The following MARCHF10 variants were observed in gnomAD, a reference collection of about 807,000 sequenced individuals.
MARCHF10 encodes the protein membrane associated ring-CH-type finger 10, also known as probable E3 ubiquitin-protein ligase MARCHF10.
In MARCHF10, 64 loss-of-function variants were observed where a neutral mutation model predicts 76.2. The observed-to-expected ratio is 0.84, with a 90% CI of 0.69 to 1.03. The LOEUF is 1.03. MARCHF10 is among the 50% of genes least tolerant of loss of function. The pLI is 0.00. For missense variants in MARCHF10, 875 were observed against 958.0 expected (o/e 0.91, Z 1.14); for synonymous variants, 340 against 357.5 (o/e 0.95, Z 0.55).
intron 4 of MARCHF10, among the ~76,000 whole-genome samples, chr17:62,748,225 G>A (rs557580740): frequency 3.3e-5 from 5 of 152,098 alleles, no homozygotes; most frequent in East Asian, 1.9e-4. Context: ...GTGAAACCCC[G>A]TCTCTACTAA....
chr17:62,709,902 T>C (rs1425964053), intron 9 of MARCHF10, among the ~76,000 whole-genome samples: 3 of 152,208 alleles, frequency 2.0e-5, no homozygotes, highest in Non-Finnish European at 4.4e-5. Context: ...TACCTGTTAC[T>C]GCTCGGTGGT....
At chr17:62,758,995 C>T (rs2092121994) in intron 4 of MARCHF10, among the ~76,000 whole-genome samples, 1 of 152,194 alleles carries the variant, frequency 6.6e-6, no homozygotes, top group Non-Finnish European at 1.5e-5. Context: ...TATTAAATCA[C>T]TCCTGCCCCA....
At chr17:62,759,319 G>A (rs145844770) in intron 4 of MARCHF10, among the ~76,000 whole-genome samples, 92 of 152,288 alleles carry the variant, frequency 6.0e-4, no homozygotes, top group Middle Eastern at 3.4e-3. Context: ...AAATGCGGGC[G>A]GTGGAGAAAG....
chr17:62,779,035 C>T (rs776966435), intron 3 of MARCHF10, among the ~76,000 whole-genome samples: 3 of 152,274 alleles, frequency 2.0e-5, no homozygotes, highest in Non-Finnish European at 2.9e-5. Context: ...CTTGTCAAAC[C>T]GTGGGCTGCA....
At chr17:62,801,459 G>A (rs565392268) in intron 2 of MARCHF10, among the ~76,000 whole-genome samples, 187 bp downstream of exon 2, 2,421 of 137,114 alleles carry the variant, frequency 0.018, 74 homozygotes, top group African/African-American at 0.062. Flanking sequence ...AGCTATCCCC[G>A]TTTTTTTTTT....
At chr17:62,735,619 C>T in intron 6 of MARCHF10, 1 of 295,890 alleles carries the variant, frequency 3.4e-6, no homozygotes. Context: ...TTCTTCATTG[C>T]TGGAGAGAAG....
intron 4 of MARCHF10, among the ~76,000 whole-genome samples, chr17:62,747,300 TATTTA>T (rs1040954491): frequency 3.1e-4 from 47 of 152,348 alleles, no homozygotes; most frequent in Admixed American, 2.4e-3. Flanking sequence ...GATAAAAGGT[TATTTA>T]ATTTGTTTTC....
intron 7 of MARCHF10, among the ~76,000 whole-genome samples, 194 bp downstream of exon 7, chr17:62,724,744 C>CA (rs1166109016): frequency 6.6e-6 from 1 of 152,140 alleles, no homozygotes; most frequent in Non-Finnish European, 1.5e-5. Flanking sequence ...CAAAAACAAA[C>CA]AAAAAACCCC....
intron 2 of MARCHF10, among the ~76,000 whole-genome samples, chr17:62,793,196 T>TCAC (rs369090555): frequency 6.0e-5 from 3 of 50,156 alleles, no homozygotes; most frequent in African/African-American, 1.9e-4. Flanking sequence ...ACCACCTCCA[T>TCAC]CACCACCACC....
intron 4 of MARCHF10, chr17:62,750,254 G>A (rs1174761133): frequency 6.5e-6 from 1 of 153,534 alleles, no homozygotes; most frequent in African/African-American, 2.4e-5. Flanking sequence ...GCACAGCACA[G>A]GGGTCTCAGC....
At position 62,739,493 on chromosome 17, in the gene MARCHF10, TG is replaced by T. The variant is rs1234785413; in HGVS notation, c.536-2162del. 2.0e-5 allele frequency among the ~76,000 whole-genome samples: 3 copies of T among 151,800 alleles called. No homozygotes were observed. The South Asian group carries it at 6.3e-4, about 32-fold the overall frequency. On this transcript the variant is annotated intron_variant, in intron 5 of 10. Coordinates refer to ENST00000311269, the MANE Select transcript of MARCHF10 (RefSeq NM_152598.4). The stretch of plus-strand genomic sequence containing the variant: ...ACCTCCTGGGTTCAAGCAATTCTCC[TG>T]CCTCACCCTCCTGAGTAGCTGGGAT...
At chr17:62,794,871 T>C (rs2092957755) in intron 2 of MARCHF10, 1 of 323,578 alleles carries the variant, frequency 3.1e-6, no homozygotes, top group Non-Finnish European at 4.4e-6. Context: ...CCCCAGAGTC[T>C]GGCATTTTAA....
At chr17:62,720,749 C>A (rs1488767651) in intron 8 of MARCHF10, among the ~76,000 whole-genome samples, 1 of 152,086 alleles carries the variant, frequency 6.6e-6, no homozygotes, top group Non-Finnish European at 1.5e-5. Context: ...GACTCTCAGA[C>A]TTGTCTACAC....
chr17:62,798,927 C>T (rs577932382), intron 2 of MARCHF10, among the ~76,000 whole-genome samples: 1 of 152,256 alleles, frequency 6.6e-6, no homozygotes, highest in East Asian at 1.9e-4. Context: ...CTTCATCCTC[C>T]AAGATGTGGG....
At chr17:62,791,836 G>A (rs1184735287) in intron 2 of MARCHF10, among the ~76,000 whole-genome samples, 4 of 151,896 alleles carry the variant, frequency 2.6e-5, no homozygotes, top group Admixed American at 2.6e-4. Context: ...TTTGTGCGGG[G>A]CGGGTGGGGG....
In MARCHF10 at chr17:62,808,281, G is replaced by C. The variant is rs1224062773; in HGVS notation, c.-222C>G. 1 of 152,444 alleles carries C rather than the reference G, an allele frequency of 6.6e-6. No homozygotes were observed. Among genetic ancestry groups the C allele is most frequent in the Non-Finnish European group, 1.5e-5 (1 of 68,222 alleles). The allele number at this position is 152,444 out of a possible 1,614,324, so 9.4% of individuals were successfully genotyped here. On this transcript the variant is annotated 5_prime_UTR_variant, in exon 1 of 11. Transcript: ENST00000311269. ...GAGGCTGCTTTCCGCGGCGCCGGCCGGCCTTGCCTGGGGCGGAGGCGGTGG... is the reference window on the plus strand; with the variant it reads ...GAGGCTGCTTTCCGCGGCGCCGGCCCGCCTTGCCTGGGGCGGAGGCGGTGG...
chr17:62,741,782 C>G (rs1312450638), intron 5 of MARCHF10, among the ~76,000 whole-genome samples: 1 of 152,048 alleles, frequency 6.6e-6, no homozygotes, highest in Non-Finnish European at 1.5e-5. Flanking sequence ...GCAAGCTCTG[C>G]CTCCCGGGTT....
chr17:62,788,992 A>G (rs1053509763), intron 2 of MARCHF10, among the ~76,000 whole-genome samples: 4 of 137,456 alleles, frequency 2.9e-5, no homozygotes, highest in Non-Finnish European at 4.6e-5. Flanking sequence ...GAACCCGGGA[A>G]GCGGAGCTTG....
chr17:62,748,688 T>C (rs1256594634), intron 4 of MARCHF10, among the ~76,000 whole-genome samples: 1 of 152,112 alleles, frequency 6.6e-6, no homozygotes, highest in Non-Finnish European at 1.5e-5. Flanking sequence ...GAGGCTGCAG[T>C]GAGCTGTGTT....
Sources: gnomAD v4.1 joint callset for allele counts (sites outside exome capture counted in the v4.1 genomes callset) on GRCh38, gnomAD v4.1.1 for gene constraint, MANE v1.5 for transcripts, NCBI Gene and HGNC (gene_info 2026-07-23, HGNC 2026-07-21) for gene names.